Variants in TSC22D3 observed in about 807,000 individuals in gnomAD.
The protein encoded by TSC22D3 is TSC22 domain family member 3.
Under a neutral mutation model 11.1 loss-of-function variants are expected in TSC22D3, and 4 were observed. The observed-to-expected ratio is 0.36, with a 90% CI of 0.18 to 0.83. TSC22D3 has a LOEUF of 0.83. Among genes scored for constraint, TSC22D3 ranks in the 40% least tolerant of loss-of-function variants. TSC22D3 has a pLI of 0.48. For missense variants in TSC22D3, 118 were observed against 159.4 expected (o/e 0.74, Z 1.40); for synonymous variants, 77 against 70.3 (o/e 1.10, Z -0.48).
Position 107,748,174 on chromosome X carries a change from CAA to C in TSC22D3, c.320+26924_320+26925del, listed in dbSNP as rs202176880. On this transcript the variant is annotated intron_variant, in intron 1 of 2. Transcript: ENST00000372383. ...GTGGAAAACTCAATGGGCTGCAAGTCAAGAGACAGGAATTTCAATCCAACTCT... is the reference window on the plus strand; with the variant it reads ...GTGGAAAACTCAATGGGCTGCAAGTCGAGACAGGAATTTCAATCCAACTCT... Among the ~76,000 whole-genome samples the C allele has an allele frequency of 2.1e-3, 230 of 112,050 alleles. 2 individuals are homozygous for C. Among genetic ancestry groups the C allele is most frequent in the African/African-American group, 6.8e-3 (209 of 30,831 alleles).
intron 1 of TSC22D3, among the ~76,000 whole-genome samples, chrX:107,730,525 C>T (rs772774005): frequency 2.7e-5 from 3 of 111,461 alleles, no homozygotes; most frequent in Non-Finnish European, 5.7e-5. Flanking sequence ...TAAGCCCCCC[C>T]GGAATGCCAG....
In TSC22D3 at chrX:107,775,557, A is replaced by G; in HGVS notation, c.-138T>C. On this transcript the variant is annotated 5_prime_UTR_variant, in exon 1 of 3. Coordinates refer to ENST00000372383, the MANE Select transcript of TSC22D3 (RefSeq NM_198057.3). ...GGAAAAGAGTTGGAAATTAGCGCCT[A>G]AAGCCAGCCACCTTCGGCTCGGCCC... The G allele has an allele frequency of 8.3e-6, 4 of 482,660 alleles. No homozygotes were observed. The highest frequency in any genetic ancestry group is 1.0e-5 in the Non-Finnish European group (3 of 295,635). The allele number at this position is 482,660 out of a possible 1,213,427, so 39.8% of individuals were successfully genotyped here. A position where few individuals can be genotyped will look rare whatever the true frequency, so the allele number is the denominator to read the frequency against.
rs945849222 is a variant in TSC22D3 at position 107,725,340 on chromosome X, T to C, written c.321-9390A>G. Among the ~76,000 whole-genome samples the C allele has an allele frequency of 8.1e-5, 9 of 111,676 alleles. 1 individual carries two copies. Among genetic ancestry groups the C allele is most frequent in the African/African-American group, 2.9e-4 (9 of 30,743 alleles). On this transcript the variant is annotated intron_variant, in intron 1 of 2. Transcript: ENST00000372383. ...TGGGCTGCAGTGGGCCTAAGGGAGA[T>C]TGTGGAAAATGCAGGCGTCCTGGGC...
At chrX:107,737,970 T>A (rs1569450500) in intron 1 of TSC22D3, among the ~76,000 whole-genome samples, 1 of 112,173 alleles carries the variant, frequency 8.9e-6, no homozygotes, top group Non-Finnish European at 1.9e-5. Context: ...AGCTGAGAGA[T>A]GCCCTTTCCA....
intron 1 of TSC22D3, among the ~76,000 whole-genome samples, chrX:107,749,234 G>A (rs970989243): frequency 6.5e-5 from 7 of 107,654 alleles, no homozygotes; most frequent in Admixed American, 2.0e-4. Context: ...CAAATTAGCC[G>A]GGCGTAGTGG....
chrX:107,775,399 A>G lies in TSC22D3; in HGVS notation c.21T>C (p.Asp7=), dbSNP rs754331694. MAQSKL[D]CRSPVGLDCC... ...AGTCGAGGCCGACAGGTGAGCGGCA[A>G]TCGAGCTTGGACTGGGCCATCTTCT... Residue 7 remains aspartate, a synonymous_variant, in exon 1 of 3, where the codon GAT becomes GAC. Coordinates refer to ENST00000372383, the MANE Select transcript of TSC22D3 (RefSeq NM_198057.3). 246 of 1,189,019 alleles carry G rather than the reference A, an allele frequency of 2.1e-4. No homozygotes were observed. Among genetic ancestry groups the G allele is most frequent in the Non-Finnish European group, 2.7e-4 (235 of 884,406 alleles).
intron 1 of TSC22D3, among the ~76,000 whole-genome samples, chrX:107,724,974 C>A (rs1927544812): frequency 9.0e-6 from 1 of 111,591 alleles, no homozygotes; most frequent in East Asian, 2.8e-4. Flanking sequence ...GGCATAGAGG[C>A]CCTCTGTGAC....
intron 1 of TSC22D3, 79 bp downstream of exon 1, chrX:107,775,021 C>T: frequency 2.7e-6 from 3 of 1,095,341 alleles, no homozygotes; most frequent in Non-Finnish European, 3.7e-6. Context: ...TCCTAGTTGC[C>T]CCTTTTGCCA....
intron 1 of TSC22D3, among the ~76,000 whole-genome samples, chrX:107,725,966 G>A (rs958527480): frequency 4.5e-5 from 5 of 111,747 alleles, no homozygotes; most frequent in Non-Finnish European, 9.4e-5. Flanking sequence ...GTCACTGCCC[G>A]GTCAAACCTG....
At chrX:107,773,270 A>G (rs1393046054) in intron 1 of TSC22D3, among the ~76,000 whole-genome samples, 1 of 112,233 alleles carries the variant, frequency 8.9e-6, no homozygotes, top group Non-Finnish European at 1.9e-5. Context: ...TTAGCCTCAC[A>G]CTTCCCTCAC....
chrX:107,773,048 T>A (rs1029974176), intron 1 of TSC22D3, among the ~76,000 whole-genome samples: 5 of 111,684 alleles, frequency 4.5e-5, no homozygotes, highest in African/African-American at 1.6e-4. Flanking sequence ...CACAAACCTT[T>A]CCTACAATTT....
chrX:107,755,003 G>C (rs1929108573), intron 1 of TSC22D3, among the ~76,000 whole-genome samples: 1 of 111,990 alleles, frequency 8.9e-6, no homozygotes, highest in African/African-American at 3.2e-5. Flanking sequence ...GGATGGATTT[G>C]GGTGACTGGC....
chrX:107,768,476 T>C (rs1358194862), intron 1 of TSC22D3, among the ~76,000 whole-genome samples: 1 of 112,651 alleles, frequency 8.9e-6, no homozygotes, highest in Non-Finnish European at 1.9e-5. Flanking sequence ...CATTATTTGC[T>C]GAGGTGTGGA....
intron 2 of TSC22D3, among the ~76,000 whole-genome samples, 173 bp from the exon 3 acceptor site, chrX:107,714,922 C>T (rs1238442785): frequency 1.8e-5 from 2 of 112,067 alleles, no homozygotes; most frequent in Non-Finnish European, 3.8e-5. Context: ...CTCTGAAGCA[C>T]TTAAACCCTC....
intron 1 of TSC22D3, among the ~76,000 whole-genome samples, chrX:107,758,035 A>G (rs1480814738): frequency 9.0e-6 from 1 of 110,561 alleles, no homozygotes; most frequent in African/African-American, 3.3e-5. Flanking sequence ...CAAACAAACA[A>G]AACAACAACA....
chrX:107,748,123 T>C (rs905403807), intron 1 of TSC22D3, among the ~76,000 whole-genome samples: 1 of 111,778 alleles, frequency 8.9e-6, no homozygotes, highest in Non-Finnish European at 1.9e-5. Context: ...CACATGCACA[T>C]ACATGGAGGG....
intron 1 of TSC22D3, among the ~76,000 whole-genome samples, chrX:107,757,167 C>T (rs1001077999): frequency 2.7e-5 from 3 of 112,740 alleles, no homozygotes; most frequent in African/African-American, 9.7e-5. Context: ...GCTGAGGCAG[C>T]GTGTCCACCC....
intron 1 of TSC22D3, among the ~76,000 whole-genome samples, chrX:107,738,014 T>A (rs1451023016): frequency 8.9e-6 from 1 of 112,053 alleles, no homozygotes; most frequent in Non-Finnish European, 1.9e-5. Context: ...AAACACTACA[T>A]CCCAGATAAG....
intron 1 of TSC22D3, among the ~76,000 whole-genome samples, chrX:107,726,746 C>G (rs1294095582): frequency 9.0e-6 from 1 of 110,929 alleles, no homozygotes; most frequent in African/African-American, 3.3e-5. Flanking sequence ...GTGGCACGAG[C>G]AACCTTAAAG....
Sources: allele counts gnomAD v4.1 joint callset (sites outside exome capture counted in the v4.1 genomes callset), GRCh38; gene constraint gnomAD v4.1.1; transcripts MANE v1.5; gene names NCBI Gene and HGNC (gene_info 2026-07-23, HGNC 2026-07-21).